Variants in SCN7A observed in about 807,000 individuals in gnomAD.
SCN7A encodes the protein sodium voltage-gated channel alpha subunit 7.
In SCN7A, 138 loss-of-function variants were observed where a neutral mutation model predicts 155.2. The observed-to-expected ratio is 0.89, with a 90% confidence interval of 0.77 to 1.02. The LOEUF (loss-of-function observed/expected upper bound fraction) is 1.02, where lower values mean the gene tolerates loss of function less well. Among genes scored for constraint, SCN7A ranks in the 50% least tolerant of loss-of-function variants. The pLI is 0.00. For synonymous variants in SCN7A, 693 were observed against 649.0 expected, an observed-to-expected ratio of 1.07 and a Z score of -1.03; for missense variants, 2,058 against 1,986.6, an observed-to-expected ratio of 1.04 and a Z score of -0.68.
intron 11 of SCN7A, among the ~76,000 whole-genome samples, chr2:166,448,611 A>G (rs1028925948): frequency 3.9e-5 from 6 of 152,168 alleles, no homozygotes; most frequent in Admixed American, 3.3e-4. Context: ...TCACTTGCCA[A>G]TCTTTAGGCA....
intron 20 of SCN7A, among the ~76,000 whole-genome samples, chr2:166,420,004 T>C (rs189640498): frequency 6.6e-6 from 1 of 152,216 alleles, no homozygotes; most frequent in Admixed American, 6.5e-5. Context: ...GATACATTTG[T>C]ATGAATTACA....
chr2:166,459,266 A>G (rs11897478), intron 10 of SCN7A, among the ~76,000 whole-genome samples: 1,954 of 152,038 alleles, frequency 0.013, 49 homozygotes, highest in African/African-American at 0.045. Flanking sequence ...AAAAGCATAT[A>G]CTCTTGTTAG....
chr2:166,409,597 T>C (rs1048422433), intron 25 of SCN7A, 68 bp downstream of exon 25: 3 of 1,187,294 alleles, frequency 2.5e-6, no homozygotes, highest in African/African-American at 1.6e-5. Flanking sequence ...CTATATTTCA[T>C]ATTTACTGTA....
chr2:166,475,281 TATAAC>T (rs1027816383), intron 3 of SCN7A, among the ~76,000 whole-genome samples: 26 of 148,820 alleles, frequency 1.7e-4, no homozygotes, highest in South Asian at 1.5e-3. Flanking sequence ...ATTTATAACA[TATAAC>T]ATACTGAAAC....
At chr2:166,426,165 T>C (rs1192986680) in intron 18 of SCN7A, among the ~76,000 whole-genome samples, 1 of 152,112 alleles carries the variant, frequency 6.6e-6, no homozygotes, top group Non-Finnish European at 1.5e-5. Flanking sequence ...CTTGGGAATA[T>C]TGATCCAAAG....
chr2:166,426,840 C>A (rs2105401343), intron 18 of SCN7A, among the ~76,000 whole-genome samples: 1 of 152,052 alleles, frequency 6.6e-6, no homozygotes, highest in East Asian at 1.9e-4. Flanking sequence ...GGAGAGTTTT[C>A]AATATGTGTG....
chr2:166,457,033 A>C lies in SCN7A; in HGVS notation c.1127T>G (p.Val376Gly), dbSNP rs763921687. ...ATAAAAGGAAAACAAAAAACTTACC[A>C]CCACAAAAAATATCATGTAGACCTT... The part of the protein sequence containing the change: ...SGKVYMIFFV[V>G]VSFLFSFYMA... The change falls in exon 11 of 26, where the codon GTG becomes GGG. Residue 376 changes from valine to glycine, a missense_variant. Transcript: ENST00000643258. The C allele has an allele frequency of 1.2e-6, 2 of 1,610,778 alleles. No individual in the cohort carries two copies. Among genetic ancestry groups the C allele is most frequent in the Non-Finnish European group, 1.7e-6 (2 of 1,178,850 alleles).
At chr2:166,415,506 A>T (rs1459408400) in intron 21 of SCN7A, among the ~76,000 whole-genome samples, 1 of 152,072 alleles carries the variant, frequency 6.6e-6, no homozygotes, top group Non-Finnish European at 1.5e-5. Flanking sequence ...TACAGGCATG[A>T]GCCACTGCAA....
intron 11 of SCN7A, among the ~76,000 whole-genome samples, chr2:166,450,706 G>A (rs148141553): frequency 5.4e-4 from 82 of 152,112 alleles, no homozygotes; most frequent in African/African-American, 1.8e-3. Flanking sequence ...AGGCAGGAGA[G>A]TTGCTTGAAC....
rs1702300537 is a variant in SCN7A at position 166,457,047 on chromosome 2, C to T, written c.1113G>A (p.Met371Ile). ...AAAAACTTACCACCACAAAAAATAT[C>T]ATGTAGACCTTCCCAGAAGCATAAA... Reference protein sequence around the residue: ...QILYASGKVYMIFFVVVSFLF... With the variant: ...QILYASGKVYIIFFVVVSFLF... The change falls in exon 11 of 26, where the codon ATG becomes ATA. Residue 371 changes from methionine to isoleucine, a missense_variant. By Grantham distance (10) the Met-to-Ile change is conservative. Coordinates refer to ENST00000643258, the MANE Select transcript of SCN7A (RefSeq NM_002976.4). 6.2e-7 allele frequency: 1 copy of T among 1,609,346 alleles called. No homozygotes were observed. Among genetic ancestry groups the T allele is most frequent in the African/African-American group, 1.3e-5 (1 of 74,788 alleles).
chr2:166,463,611 AG>A (rs1215794868), intron 9 of SCN7A, among the ~76,000 whole-genome samples: 2 of 152,188 alleles, frequency 1.3e-5, no homozygotes, highest in African/African-American at 2.4e-5. Context: ...TCCAAAATAT[AG>A]CCAAAATGTA....
At chr2:166,475,130 A>ATATATATATATATATATATACG (rs1224236123) in intron 3 of SCN7A, among the ~76,000 whole-genome samples, 1 of 129,764 alleles carries the variant, frequency 7.7e-6, no homozygotes, top group Non-Finnish European at 1.7e-5. Flanking sequence ...ACATATATAT[A>ATATATATATATATATATATACG]TATATATACA....
intron 19 of SCN7A, 124 bp downstream of exon 19, chr2:166,423,135 C>T: frequency 1.1e-6 from 1 of 895,646 alleles, no homozygotes; most frequent in Non-Finnish European, 1.7e-6. Context: ...AGAAAGGTGT[C>T]ATGTACCAAC....
At chr2:166,448,131 G>C (rs1702105898) in intron 11 of SCN7A, among the ~76,000 whole-genome samples, 1 of 151,850 alleles carries the variant, frequency 6.6e-6, no homozygotes, top group Non-Finnish European at 1.5e-5. Flanking sequence ...CCCTTTGCAG[G>C]CTCTGGTAAC....
chr2:166,409,604 T>C, intron 25 of SCN7A, 61 bp downstream of exon 25: 1 of 1,236,074 alleles, frequency 8.1e-7, no homozygotes, highest in Non-Finnish European at 1.1e-6. Flanking sequence ...TCATATTTAC[T>C]GTAAGAGCTT....
chr2:166,486,706 C>G (rs891094286), intron 2 of SCN7A, 150 bp downstream of exon 2: 79 of 152,292 alleles, frequency 5.2e-4, no homozygotes, highest in African/African-American at 1.9e-3. Context: ...GACTGCTAGG[C>G]AGAAAGATGC....
intron 18 of SCN7A, 92 bp downstream of exon 18, chr2:166,427,696 G>A (rs1701653282): frequency 8.6e-7 from 1 of 1,159,740 alleles, no homozygotes; most frequent in Non-Finnish European, 1.2e-6. Flanking sequence ...AATATCCTTG[G>A]AAATGTAATC....
intron 14 of SCN7A, among the ~76,000 whole-genome samples, chr2:166,442,391 A>G (rs1268254463): frequency 1.3e-5 from 2 of 150,942 alleles, no homozygotes; most frequent in Non-Finnish European, 3.0e-5. Flanking sequence ...TTTCTTTTCA[A>G]TTTTTTTTTG....
intron 11 of SCN7A, among the ~76,000 whole-genome samples, chr2:166,453,459 CATA>C (rs1268371479): frequency 5.3e-5 from 8 of 152,148 alleles, no homozygotes; most frequent in Non-Finnish European, 7.4e-5. Flanking sequence ...ATTGACATGT[CATA>C]ATAATTTTAT....
Sources: gnomAD v4.1 joint callset for allele counts (sites outside exome capture counted in the v4.1 genomes callset) on GRCh38, gnomAD v4.1.1 for gene constraint, MANE v1.5 for transcripts, NCBI Gene and HGNC (gene_info 2026-07-23, HGNC 2026-07-21) for gene names.